Variants in RTEL1 observed in about 807,000 individuals in gnomAD.
The protein encoded by RTEL1 is regulator of telomere elongation helicase 1, also known as regulator of telomere length.
Under a neutral mutation model 162.2 loss-of-function variants are expected in RTEL1, and 86 were observed. That is an observed-to-expected ratio of 0.53 (90% confidence interval 0.45 to 0.63). RTEL1 has a LOEUF of 0.63. Ranked by LOEUF, RTEL1 falls within the 30% of genes least tolerant of loss-of-function variation. RTEL1 has a pLI of 0.00. For synonymous variants in RTEL1, 958 were observed against 717.9 expected (o/e 1.33, Z -5.35); for missense variants, 1,941 against 1,750.2 (o/e 1.11, Z -1.95).
At chr20:63,662,502 T>A in intron 4 of RTEL1, 44 bp from the exon 5 acceptor site, 1 of 1,610,222 alleles carries the variant, frequency 6.2e-7, no homozygotes, top group Non-Finnish European at 8.5e-7. Flanking sequence ...GCTGTGGGTG[T>A]TGGAGACAGC....
rs765023752 is a variant in RTEL1 at position 63,667,458 on chromosome 20, C to G, written c.615-11C>G. Reference sequence around the variant, plus strand: ...GGGTGCTCACAGGATCTTCTCCTCTCTCCTTCCCAGGGTGTGCCCTTACTA... The same window carrying G: ...GGGTGCTCACAGGATCTTCTCCTCTGTCCTTCCCAGGGTGTGCCCTTACTA... On this transcript the variant is annotated splice_polypyrimidine_tract_variant and intron_variant, in intron 7 of 34. Coordinates refer to ENST00000360203, the MANE Select transcript of RTEL1 (RefSeq NM_001283009.2). 3 of 1,610,460 alleles carry G rather than the reference C, an allele frequency of 1.9e-6. No individual in the cohort carries two copies. Among genetic ancestry groups the G allele is most frequent in the East Asian group, 4.5e-5 (2 of 44,860 alleles).
At position 63,682,420 on chromosome 20, in the gene RTEL1, A is replaced by C. The variant is rs1157348447; in HGVS notation, c.1191+1701A>C. 8.2e-6 allele frequency: 8 copies of C among 971,888 alleles called. No homozygotes were observed. The African/African-American group carries it at 9.7e-5, about 12-fold the overall frequency. The allele number at this position is 971,888 out of a possible 1,614,324, so 60.2% of individuals were successfully genotyped here. A position where few individuals can be genotyped will look rare whatever the true frequency, so the allele number is the denominator to read the frequency against. On this transcript the variant is annotated intron_variant, in intron 14 of 34. Transcript: ENST00000360203. ...ACGCGGCCTCCCAGCCTCCCACTTA[A>C]GGAGAAGTCTCCACACTCTGGAACC...
rs781705537 is a variant in RTEL1, at chr20:63,689,698, C to T, written c.2025+50C>T. 6.2e-6 allele frequency: 10 copies of T among 1,604,368 alleles called. No individual in the cohort carries two copies. The East Asian group carries it at 1.3e-4, about 22-fold the overall frequency. ...GGGTAAGGCGGTCTGGTGACTGAGC[C>T]CCCGCCCCGTGGCCAAGGGAGCCCC... On this transcript the variant is annotated intron_variant, in intron 23 of 34. Coordinates refer to ENST00000360203, the MANE Select transcript of RTEL1 (RefSeq NM_001283009.2).
chr20:63,691,023 C>G (rs1334867055), intron 27 of RTEL1, 76 bp downstream of exon 27: 1 of 1,418,408 alleles, frequency 7.1e-7, no homozygotes, highest in East Asian at 2.6e-5. Flanking sequence ...CATCTGGCCT[C>G]AGGCACCTCC....
rs894894977 is a variant in RTEL1 at position 63,661,564 on chromosome 20, T to G, written c.301+68T>G. ...GGTTGGCAAGGGATGGCGCTGAGGG[T>G]GGGGTGGGCCCATGGGGACTCCTGC... is the stretch of plus-strand genomic sequence containing the variant. On this transcript the variant is annotated intron_variant, in intron 3 of 34. Transcript: ENST00000360203. This position sits in a 1 kb window ranked among gnomAD's most constrained non-coding sequence, Gnocchi z 5.1. 3.4e-6 allele frequency: 5 copies of G among 1,491,428 alleles called. No homozygotes were observed. Among genetic ancestry groups the G allele is most frequent in the African/African-American group, 1.4e-5 (1 of 72,210 alleles). 92.4% of individuals were successfully genotyped at this position (1,491,428 alleles called of 1,614,324 possible). A position where few individuals can be genotyped will look rare whatever the true frequency, so the allele number is the denominator to read the frequency against.
At chr20:63,674,679 G>A (rs1202285996) in intron 10 of RTEL1, among the ~76,000 whole-genome samples, 2 of 151,694 alleles carry the variant, frequency 1.3e-5, no homozygotes, top group South Asian at 2.1e-4. Flanking sequence ...CAGCCTGGGC[G>A]GCAGAGTGAG....
chr20:63,695,011 G>T lies in RTEL1; in HGVS notation c.3343+37G>T, dbSNP rs200858796. The T allele has an allele frequency of 1.2e-4, 196 of 1,610,066 alleles. 3 individuals carry two copies. The East Asian group carries it at 3.1e-3, about 26-fold the overall frequency. Reference sequence around the variant, plus strand: ...TGGCGTGGGGAACAGCCGGTGGGGTGGGGGGCAGGGGACAAAATGGGGGCT... The same window carrying T: ...TGGCGTGGGGAACAGCCGGTGGGGTTGGGGGCAGGGGACAAAATGGGGGCT... On this transcript the variant is annotated intron_variant, in intron 32 of 34. Transcript: ENST00000360203.
At position 63,690,156 on chromosome 20, in the gene RTEL1, C is replaced by A. The variant is rs759047464; in HGVS notation, c.2211C>A (p.Asn737Lys). 6.2e-7 allele frequency: 1 copy of A among 1,612,596 alleles called. No individual in the cohort carries two copies. ...WVRPHVRVYD[N>K]FGHVIRDVAQ... ...GTCCCCACGTCAGGGTGTATGACAA[C>A]TTTGGCCATGTCATCCGAGACGTGG... The change falls in exon 25 of 35, where the codon AAC (asparagine) becomes AAA (lysine). Residue 737 changes from asparagine to lysine, a missense_variant. Coordinates refer to ENST00000360203, the MANE Select transcript of RTEL1 (RefSeq NM_001283009.2).
chr20:63,694,429 A>C lies in RTEL1; in HGVS notation c.3050A>C (p.Asp1017Ala). The C allele has an allele frequency of 6.2e-7, 1 of 1,611,584 alleles. No homozygotes were observed. Among genetic ancestry groups the C allele is most frequent in the Non-Finnish European group, 8.5e-7 (1 of 1,179,422 alleles). ...TCCACGGCTGCAGCCCAGCAGCTGG[A>C]CCCCCAAGAGCACCTGAACCAGGGC... is the stretch of plus-strand genomic sequence containing the variant. The part of the protein sequence containing the change: ...TVSTAAAQQL[D>A]PQEHLNQGRP... Residue 1017 changes from aspartate to alanine, a missense_variant, in exon 31 of 35, where the codon GAC (aspartate) becomes GCC (alanine). Transcript: ENST00000360203.
At chr20:63,690,481 C>T (rs371927377) in intron 26 of RTEL1, 40 bp downstream of exon 26, 101 of 572,558 alleles carry the variant, frequency 1.8e-4, no homozygotes, top group Middle Eastern at 1.2e-3. Flanking sequence ...GTGGGGGTGG[C>T]GGAGCGGGCG....
intron 12 of RTEL1, among the ~76,000 whole-genome samples, chr20:63,679,476 C>T (rs1325402090): frequency 1.3e-5 from 2 of 152,126 alleles, no homozygotes; most frequent in Non-Finnish European, 2.9e-5. Context: ...CCCTAGTGAC[C>T]CCATCCCTCC....
At chr20:63,663,360 C>G (rs966831426) in intron 6 of RTEL1, among the ~76,000 whole-genome samples, 3 of 152,226 alleles carry the variant, frequency 2.0e-5, no homozygotes, top group African/African-American at 2.4e-5. Flanking sequence ...CTGTGCTGAC[C>G]TTGCTGCGGA....
At chr20:63,677,624 GATAA>G (rs926200312) in intron 10 of RTEL1, among the ~76,000 whole-genome samples, 4 of 152,166 alleles carry the variant, frequency 2.6e-5, no homozygotes, top group Admixed American at 6.5e-5. Flanking sequence ...AAAATGAATA[GATAA>G]ATAAAGATAA....
Position 63,695,534 on chromosome 20 carries a change from G to A in RTEL1, c.3706G>A (p.Gly1236Arg), listed in dbSNP as rs200225613. 43 of 1,612,156 alleles carry A rather than the reference G, an allele frequency of 2.7e-5. No individual in the cohort carries two copies. Among genetic ancestry groups the A allele is most frequent in the Admixed American group, 3.3e-5 (2 of 59,954 alleles). Residue 1236 changes from glycine to arginine, a missense_variant, in exon 34 of 35, where the codon GGG becomes AGG. Coordinates refer to ENST00000360203, the MANE Select transcript of RTEL1 (RefSeq NM_001283009.2). ...GCAGCAGGCCACGGGAGCTCCGGGC[G>A]GGCCCCTCTCAGCAGGCTGTGTGTG... Reference protein sequence around the residue: ...AGQQATGAPGGPLSAGCVCQG... With the variant: ...AGQQATGAPGRPLSAGCVCQG...
rs571635050 is a variant in RTEL1 at position 63,664,154 on chromosome 20, A to G, written c.538+1265A>G. On this transcript the variant is annotated intron_variant, in intron 6 of 34. Transcript: ENST00000360203. ...TGCCTTTGTGCCCCCAGGTTCCCTG[A>G]CAGGAGCTGCCGGCTCGTCCCGGTG... 1.8e-4 allele frequency among the ~76,000 whole-genome samples: 27 copies of G among 152,270 alleles called. 1 individual carries two copies. The East Asian group carries it at 5.2e-3, about 29-fold the overall frequency.
intron 9 of RTEL1, 29 bp downstream of exon 9, chr20:63,672,650 TC>T: frequency 1.9e-6 from 3 of 1,539,802 alleles, no homozygotes; most frequent in Non-Finnish European, 2.7e-6. Flanking sequence ...CCTAAACACC[TC>T]CTATTGCTTC....
chr20:63,678,091 GGTT>G (rs1040792376), intron 10 of RTEL1, 51 bp from the exon 11 acceptor site: 150 of 1,607,444 alleles, frequency 9.3e-5, no homozygotes, highest in Non-Finnish European at 1.1e-4. Flanking sequence ...TCAAGGGCGG[GGTT>G]GTTGGCACGA....
intron 14 of RTEL1, among the ~76,000 whole-genome samples, chr20:63,683,822 A>G (rs764071885): frequency 3.1e-4 from 41 of 134,308 alleles, no homozygotes; most frequent in Admixed American, 2.0e-3. Context: ...TTCCTTTCCC[A>G]TTGATTTGCA....
At chr20:63,694,327 C>T in intron 30 of RTEL1, 45 bp from the exon 31 acceptor site, 10 of 624,628 alleles carry the variant, frequency 1.6e-5, no homozygotes, top group Non-Finnish European at 2.6e-5. Context: ...AGGGAACTTT[C>T]CAGATGCTCT....
Sources: allele counts gnomAD v4.1 joint callset (sites outside exome capture counted in the v4.1 genomes callset), GRCh38; gene constraint gnomAD v4.1.1; non-coding constraint Gnocchi (gnomAD v3.1); transcripts MANE v1.5; gene names NCBI Gene and HGNC (gene_info 2026-07-23, HGNC 2026-07-21).